MTCH1: variants seen among roughly 807,000 people sequenced by gnomAD.
MTCH1 encodes the protein mitochondrial carrier 1, also known as mitochondrial carrier homolog 1.
MTCH1 carries 23 observed loss-of-function variants against 49.3 expected under a neutral mutation model. That is an observed-to-expected ratio of 0.47 (90% CI 0.34 to 0.66). MTCH1 has a LOEUF of 0.66. Ranked by LOEUF, MTCH1 falls within the 30% of genes least tolerant of loss-of-function variation. MTCH1 has a pLI of 0.01. For synonymous variants in MTCH1, 229 were observed against 215.2 expected (o/e 1.06, Z -0.56); for missense variants, 397 against 532.1 (o/e 0.75, Z 2.50).
chr6:36,974,108 G>A (rs564527653), intron 7 of MTCH1, among the ~76,000 whole-genome samples: 1 of 152,246 alleles, frequency 6.6e-6, no homozygotes, highest in Admixed American at 6.5e-5. Flanking sequence ...GCAAATATAT[G>A]TATGTATAAA....
intron 9 of MTCH1, 23 bp from the exon 10 acceptor site, chr6:36,970,496 T>C (rs1583247806): frequency 1.9e-6 from 3 of 1,613,754 alleles, no homozygotes; most frequent in Non-Finnish European, 2.5e-6. Context: ...GAGGCCTGAG[T>C]GCCAGTGACC....
chr6:36,978,011 A>C, intron 4 of MTCH1, 67 bp downstream of exon 4: 2 of 1,414,228 alleles, frequency 1.4e-6, no homozygotes, highest in Non-Finnish European at 2.0e-6. Context: ...GACCCGCCCA[A>C]CTTGGGGGTG....
chr6:36,981,191 C>G (rs999968334), intron 2 of MTCH1, among the ~76,000 whole-genome samples: 2 of 152,096 alleles, frequency 1.3e-5, no homozygotes, highest in Non-Finnish European at 2.9e-5. Flanking sequence ...CTCAAGAGGA[C>G]CCCCCGGGCC....
In MTCH1 at chr6:36,986,124, G is replaced by T; in HGVS notation, c.50C>A (p.Ala17Glu). 7.0e-7 allele frequency: 1 copy of T among 1,436,896 alleles called. No individual in the cohort carries two copies. Among genetic ancestry groups the T allele is most frequent in the Non-Finnish European group, 9.1e-7 (1 of 1,104,876 alleles). 89.0% of individuals were successfully genotyped at this position (1,436,896 alleles called of 1,614,324 possible). A position where few individuals can be genotyped will look rare whatever the true frequency, so the allele number is the denominator to read the frequency against. Reference protein sequence around the residue: ...EVAPWARGGAAGMAGAGAGAG... With the variant: ...EVAPWARGGAEGMAGAGAGAG... ...TCCAGCTCCGGCTCCCGCCATCCCCGCGGCACCGCCGCGAGCCCAGGGCGC... is the reference window on the plus strand; with the variant it reads ...TCCAGCTCCGGCTCCCGCCATCCCCTCGGCACCGCCGCGAGCCCAGGGCGC... The change falls in exon 1 of 12, where the codon GCG (alanine) becomes GAG (glutamate). Residue 17 changes from alanine (A) to glutamate (E), a missense_variant. Physicochemically the swap from Ala to Glu is moderately radical, Grantham distance 107. Transcript: ENST00000373627.
chr6:36,977,589 C>T lies in MTCH1; in HGVS notation c.649+45G>A, dbSNP rs773880200. On this transcript the variant is annotated intron_variant, in intron 5 of 11. Coordinates refer to ENST00000373627, the MANE Select transcript of MTCH1 (RefSeq NM_001271641.2). The surrounding 1 kb of genome is among the most constrained non-coding windows in gnomAD (Gnocchi z 5.4). ...GGGGGCGCCCCTCACCCCACGCCCC[C>T]GACGCCAGCTTAGATACAGTCTCGG... 2.6e-5 allele frequency: 37 copies of T among 1,448,374 alleles called. No individual in the cohort carries two copies. The Middle Eastern group carries it at 1.0e-3, about 40-fold the overall frequency. The allele number at this position is 1,448,374 out of a possible 1,614,324, so 89.7% of individuals were successfully genotyped here.
intron 7 of MTCH1, among the ~76,000 whole-genome samples, chr6:36,973,328 G>C (rs890077042): frequency 7.9e-5 from 12 of 152,170 alleles, no homozygotes; most frequent in Admixed American, 3.9e-4. Flanking sequence ...AAGATGCAGT[G>C]CTGAGGGCAA....
intron 7 of MTCH1, among the ~76,000 whole-genome samples, chr6:36,973,014 C>T (rs1763736738): frequency 6.6e-6 from 1 of 152,108 alleles, no homozygotes; most frequent in African/African-American, 2.4e-5. Flanking sequence ...GCTTTGGATG[C>T]CATAAATTAG....
chr6:36,985,161 A>G (rs1216433701), intron 1 of MTCH1, among the ~76,000 whole-genome samples: 1 of 150,780 alleles, frequency 6.6e-6, no homozygotes, highest in Non-Finnish European at 1.5e-5. Context: ...TCTCCGGTAA[A>G]CCGATAGCAT....
chr6:36,979,213 G>A (rs1764004644), intron 2 of MTCH1, among the ~76,000 whole-genome samples: 1 of 152,002 alleles, frequency 6.6e-6, no homozygotes, highest in South Asian at 2.1e-4. Flanking sequence ...ATTAGTCAAG[G>A]GAAAAACAAG....
chr6:36,975,634 T>A (rs374210762), intron 7 of MTCH1, 24 bp downstream of exon 7: 2 of 1,612,146 alleles, frequency 1.2e-6, no homozygotes, highest in Non-Finnish European at 1.7e-6. Context: ...CGTGGCCAGT[T>A]ATGGGGTGTA....
intron 11 of MTCH1, 53 bp from the exon 12 acceptor site, chr6:36,969,027 C>A: frequency 6.3e-7 from 1 of 1,599,776 alleles, no homozygotes; most frequent in South Asian, 1.1e-5. Context: ...GCTTCCTTGT[C>A]CCTCCGAGAG....
Position 36,986,159 on chromosome 6 carries a change from G to C in MTCH1, c.15C>G (p.Asp5Glu). The change falls in exon 1 of 12, where the codon GAC (aspartate) becomes GAG (glutamate). Residue 5 changes from aspartate (D) to glutamate (E), a missense_variant. Transcript: ENST00000373627. MGAS[D>E]PEVAPWARGG... is the part of the protein sequence containing the mutation. ...CGCGAGCCCAGGGCGCCACTTCCGG[G>C]TCCGAAGCTCCCATGGCGCCCGGCG... 7.0e-7 allele frequency: 1 copy of C among 1,435,938 alleles called. No individual in the cohort carries two copies. The highest frequency in any genetic ancestry group is 9.1e-7 in the Non-Finnish European group (1 of 1,102,622). 88.9% of individuals were successfully genotyped at this position (1,435,938 alleles called of 1,614,324 possible).
In MTCH1 at chr6:36,968,851, A is replaced by G. The variant is rs757879436; in HGVS notation, c.*52T>C. Reference sequence around the variant, plus strand: ...GTCTTGCAGGTGTCCCAAGGTGGTCAGGCCTCACCCACGGTGGCCAGGTTG... The same window carrying G: ...GTCTTGCAGGTGTCCCAAGGTGGTCGGGCCTCACCCACGGTGGCCAGGTTG... On this transcript the variant is annotated 3_prime_UTR_variant, in exon 12 of 12. Coordinates refer to ENST00000373627, the MANE Select transcript of MTCH1 (RefSeq NM_001271641.2). 1.2e-6 allele frequency: 2 copies of G among 1,612,568 alleles called. No homozygotes were observed. The highest frequency in any genetic ancestry group is 1.7e-5 in the Admixed American group (1 of 59,954).
Position 36,978,584 on chromosome 6 carries a change from T to C in MTCH1, c.434A>G (p.Lys145Arg), listed in dbSNP as rs1763976983. 3.7e-6 allele frequency: 6 copies of C among 1,614,068 alleles called. No individual in the cohort carries two copies. The highest frequency in any genetic ancestry group is 5.1e-6 in the Non-Finnish European group (6 of 1,179,962). The change falls in exon 3 of 12, where the codon AAG becomes AGG. Residue 145 changes from lysine (K) to arginine (R), a missense_variant. Transcript: ENST00000373627. ...YAKYIVQVDG[K>R]IGLFRGLSPR... ...ACTCAGGCCTCGGAACAGCCCTATC[T>C]TACCATCCACTTGCACGATGTACTT...
chr6:36,974,972 T>C (rs1763815830), intron 7 of MTCH1, among the ~76,000 whole-genome samples: 1 of 152,208 alleles, frequency 6.6e-6, no homozygotes, highest in Non-Finnish European at 1.5e-5. Context: ...GTCTGCACCT[T>C]ATTCTTTCTG....
At position 36,977,612 on chromosome 6, in the gene MTCH1, C is replaced by G; in HGVS notation, c.649+22G>C. ...CCCGACGCCAGCTTAGATACAGTCT[C>G]GGGGGAAGGGGGGTGGCTTACCATG... is the stretch of plus-strand genomic sequence containing the variant. On this transcript the variant is annotated intron_variant, in intron 5 of 11. Coordinates refer to ENST00000373627, the MANE Select transcript of MTCH1 (RefSeq NM_001271641.2). The surrounding 1 kb of genome is among the most constrained non-coding windows in gnomAD (Gnocchi z 5.4). 1 of 1,559,878 alleles carries G rather than the reference C, an allele frequency of 6.4e-7. No homozygotes were observed. The highest frequency in any genetic ancestry group is 8.8e-7 in the Non-Finnish European group (1 of 1,136,614).
Position 36,986,089 on chromosome 6 carries a change from G to GAGCTCCGGCTCC in MTCH1, c.73_84dup (p.Gly25_Ala28dup), listed in dbSNP as rs1255536528. ...TCGACCCCCGCCGCCGCTCCGCCGC[G>GAGCTCCGGCTCC]AGCTCCGGCTCCAGCTCCGGCTCCC... On this transcript the variant is annotated inframe_insertion, in exon 1 of 12. Coordinates refer to ENST00000373627, the MANE Select transcript of MTCH1 (RefSeq NM_001271641.2). The GAGCTCCGGCTCC allele has an allele frequency of 2.2e-5, 31 of 1,433,150 alleles. No homozygotes were observed. The highest frequency in any genetic ancestry group is 2.9e-5 in the South Asian group (2 of 70,168). The allele number at this position is 1,433,150 out of a possible 1,614,324, so 88.8% of individuals were successfully genotyped here.
At chr6:36,986,240 G>C (rs1764316484), upstream of MTCH1, 12 of 1,342,416 alleles carry the variant, frequency 8.9e-6, no homozygotes, top group Non-Finnish European at 1.1e-5. Flanking sequence ...GCGTCAGGGG[G>C]CGGGGCCGGG....
At position 36,968,571 on chromosome 6, in the gene MTCH1, C is replaced by G; in HGVS notation, c.*332G>C. The G allele has an allele frequency of 2.5e-6, 1 of 401,842 alleles. No individual in the cohort carries two copies. Among genetic ancestry groups the G allele is most frequent in the South Asian group, 1.9e-5 (1 of 51,520 alleles). 24.9% of individuals were successfully genotyped at this position (401,842 alleles called of 1,614,324 possible). ...ACGGGGTGGGGTCTGACCCCATTAG[C>G]CTTTCCCCATCCAACCTGGGCCCCC... On this transcript the variant is annotated 3_prime_UTR_variant, in exon 12 of 12. Transcript: ENST00000373627.
Sources: allele counts gnomAD v4.1 joint callset (sites outside exome capture counted in the v4.1 genomes callset), GRCh38; gene constraint gnomAD v4.1.1; non-coding constraint Gnocchi (gnomAD v3.1); transcripts MANE v1.5; gene names NCBI Gene and HGNC (gene_info 2026-07-23, HGNC 2026-07-21).